Variants in CADM2 observed in about 807,000 individuals in gnomAD.
The protein encoded by CADM2 is cell adhesion molecule 2, also known as immunoglobulin superfamily member 4D.
In CADM2, 12 loss-of-function variants were observed where a neutral mutation model predicts 49.8. That is an observed-to-expected ratio of 0.24 (90% CI 0.15 to 0.39). The LOEUF is 0.39. Among genes scored for constraint, CADM2 ranks in the 10% least tolerant of loss-of-function variants. The pLI is 1.00. For missense variants in CADM2, 378 were observed against 492.3 expected (o/e 0.77, Z 2.20); for synonymous variants, 214 against 175.4 (o/e 1.22, Z -1.74).
chr3:85,383,623 T>C (rs976845371), intron 1 of CADM2, among the ~76,000 whole-genome samples: 3 of 149,450 alleles, frequency 2.0e-5, no homozygotes, highest in African/African-American at 7.3e-5. Context: ...CTCATTTTTC[T>C]CTCCATTGGA....
chr3:85,100,016 A>T lies in CADM2; in HGVS notation c.61+140348A>T, dbSNP rs149856511. On this transcript the variant is annotated intron_variant, in intron 1 of 9. Transcript: ENST00000383699. Reference sequence around the variant, plus strand: ...TCTGCACTTTCTGATTTCCTGCTGTAAAGAGAGCCTGAAGCAATCTGCTCT... The same window carrying T: ...TCTGCACTTTCTGATTTCCTGCTGTTAAGAGAGCCTGAAGCAATCTGCTCT... Among the ~76,000 whole-genome samples the T allele has an allele frequency of 2.7e-3, 405 of 152,098 alleles. 1 individual carries two copies. The highest frequency in any genetic ancestry group is 5.4e-3 in the Admixed American group (83 of 15,270).
chr3:86,072,376 G>A lies in CADM2; in HGVS notation c.*5593G>A, dbSNP rs1407389654. 1.3e-5 allele frequency: 2 copies of A among 150,142 alleles called. No individual in the cohort carries two copies. The highest frequency in any genetic ancestry group is 4.9e-5 in the African/African-American group (2 of 40,766). The allele number at this position is 150,142 out of a possible 1,614,324, so 9.3% of individuals were successfully genotyped here. ...AATGTATGATTATTTTGGAGAGAAT[G>A]GGCCCAAATGTGAAAAAGATATAAA... On this transcript the variant is annotated 3_prime_UTR_variant, in exon 10 of 10. Transcript: ENST00000383699.
intron 8 of CADM2, among the ~76,000 whole-genome samples, chr3:85,988,053 G>A (rs960688295): frequency 3.3e-5 from 5 of 152,068 alleles, no homozygotes; most frequent in African/African-American, 1.2e-4. Flanking sequence ...CCAACTTTGG[G>A]ATAGAAGATG....
intron 2 of CADM2, among the ~76,000 whole-genome samples, chr3:85,734,761 T>C (rs1024117613): frequency 2.7e-5 from 4 of 148,564 alleles, no homozygotes; most frequent in African/African-American, 9.8e-5. Context: ...TATGTATATA[T>C]ACATATACAT....
intron 1 of CADM2, among the ~76,000 whole-genome samples, chr3:85,533,064 A>G (rs1321009507): frequency 6.6e-6 from 1 of 152,128 alleles, no homozygotes; most frequent in Non-Finnish European, 1.5e-5. Context: ...AAGACTTAAT[A>G]CTTGGGTGTT....
intron 1 of CADM2, among the ~76,000 whole-genome samples, chr3:85,354,231 A>T (rs1023322163): frequency 2.0e-5 from 3 of 151,950 alleles, no homozygotes; most frequent in Non-Finnish European, 4.4e-5. Context: ...TTTATATATG[A>T]ATTTTGGAGA....
chr3:85,447,264 A>G (rs2037513810), intron 1 of CADM2, among the ~76,000 whole-genome samples: 1 of 151,776 alleles, frequency 6.6e-6, no homozygotes, highest in Non-Finnish European at 1.5e-5. Flanking sequence ...GGATATATGG[A>G]ATGTGACATG....
intron 1 of CADM2, among the ~76,000 whole-genome samples, chr3:85,339,379 AAC>A (rs2045179198): frequency 6.6e-6 from 1 of 151,474 alleles, no homozygotes; most frequent in African/African-American, 2.4e-5. Context: ...AATATCATAT[AAC>A]ACATATTAAT....
intron 1 of CADM2, among the ~76,000 whole-genome samples, chr3:85,330,909 C>A (rs2044902642): frequency 6.6e-6 from 1 of 152,038 alleles, no homozygotes; most frequent in Admixed American, 6.6e-5. Context: ...CTGCAGTGAG[C>A]CGTAATAACA....
intron 1 of CADM2, among the ~76,000 whole-genome samples, chr3:84,984,121 T>C (rs986495383): frequency 2.0e-5 from 3 of 151,328 alleles, no homozygotes; most frequent in African/African-American, 7.3e-5. Flanking sequence ...GAGTTAGTGC[T>C]AATTAATAAA....
intron 2 of CADM2, among the ~76,000 whole-genome samples, chr3:85,755,436 GTT>G (rs386663102): frequency 0.054 from 8,153 of 152,120 alleles, 608 homozygotes; most frequent in African/African-American, 0.17. Flanking sequence ...TCAGCAAACT[GTT>G]GTGTTCAACA....
intron 1 of CADM2, among the ~76,000 whole-genome samples, chr3:85,503,208 T>C (rs2040189734): frequency 6.6e-6 from 1 of 152,210 alleles, no homozygotes; most frequent in Non-Finnish European, 1.5e-5. Context: ...GTAAAAAATT[T>C]CTCAACAAGT....
chr3:85,526,825 G>A (rs75189364), intron 1 of CADM2, among the ~76,000 whole-genome samples: 5,173 of 152,026 alleles, frequency 0.034, 296 homozygotes, highest in African/African-American at 0.12. Context: ...AAAAATACAA[G>A]TATTATCCCC....
intron 1 of CADM2, among the ~76,000 whole-genome samples, chr3:85,685,435 T>C (rs1488378446): frequency 6.6e-6 from 1 of 152,132 alleles, no homozygotes; most frequent in Admixed American, 6.5e-5. Flanking sequence ...TGAGGGATGT[T>C]GGGAATAGGG....
intron 1 of CADM2, among the ~76,000 whole-genome samples, chr3:85,365,982 T>A (rs2032754359): frequency 6.6e-6 from 1 of 152,150 alleles, no homozygotes; most frequent in Non-Finnish European, 1.5e-5. Context: ...AGTAATTACC[T>A]TGGTACTTCC....
chr3:85,140,322 T>C (rs1272188435), intron 1 of CADM2, among the ~76,000 whole-genome samples: 1 of 152,232 alleles, frequency 6.6e-6, no homozygotes, highest in Non-Finnish European at 1.5e-5. Flanking sequence ...TACATTTTTC[T>C]GTAGGAAGTT....
At chr3:85,307,483 T>C (rs2044242633) in intron 1 of CADM2, among the ~76,000 whole-genome samples, 1 of 151,814 alleles carries the variant, frequency 6.6e-6, no homozygotes, top group Non-Finnish European at 1.5e-5. Context: ...AACATTTTAT[T>C]TTAATCTCTA....
At chr3:85,199,363 G>A in intron 1 of CADM2, among the ~76,000 whole-genome samples, 1 of 148,130 alleles carries the variant, frequency 6.8e-6, no homozygotes, top group Admixed American at 6.7e-5. Flanking sequence ...GTGTGTGTGT[G>A]TGTGTATGAG....
At chr3:85,609,814 G>A (rs906626295) in intron 1 of CADM2, among the ~76,000 whole-genome samples, 2 of 151,972 alleles carry the variant, frequency 1.3e-5, no homozygotes, top group African/African-American at 4.8e-5. Context: ...GTTCATAATC[G>A]TAATGTGTTT....
Sources: allele counts gnomAD v4.1 joint callset (sites outside exome capture counted in the v4.1 genomes callset), GRCh38; gene constraint gnomAD v4.1.1; transcripts MANE v1.5; gene names NCBI Gene and HGNC (gene_info 2026-07-23, HGNC 2026-07-21).